The following CD48 variants were observed in gnomAD, a reference collection of about 807,000 sequenced individuals.
CD48 encodes the protein CD48 molecule.
CD48 carries 20 observed loss-of-function variants against 22.0 expected under a neutral mutation model. The observed-to-expected ratio is 0.91, with a 90% CI of 0.64 to 1.32. The LOEUF is 1.32. CD48 is among the 40% of genes most tolerant of loss of function. CD48 has a pLI of 0.00. For synonymous variants in CD48, 110 were observed against 110.1 expected, an observed-to-expected ratio of 1.00 and a Z score of 0.01; for missense variants, 307 against 286.5, an observed-to-expected ratio of 1.07 and a Z score of -0.52.
At chr1:160,689,574 A>G (rs1347144288) in intron 1 of CD48, among the ~76,000 whole-genome samples, 1 of 152,132 alleles carries the variant, frequency 6.6e-6, no homozygotes, top group South Asian at 2.1e-4. Context: ...TAAGGAGAAA[A>G]AGAAAAGTAA....
intron 1 of CD48, among the ~76,000 whole-genome samples, chr1:160,702,967 C>G (rs536025660): frequency 6.6e-6 from 1 of 152,230 alleles, no homozygotes; most frequent in South Asian, 2.1e-4. Flanking sequence ...GGGTATAATT[C>G]AGAGTGACTT....
At chr1:160,711,322 T>A (rs1446972946) in intron 1 of CD48, among the ~76,000 whole-genome samples, 4 of 152,230 alleles carry the variant, frequency 2.6e-5, no homozygotes, top group Non-Finnish European at 4.4e-5. Flanking sequence ...GAGTACAGTG[T>A]GTCTGAGCAT....
chr1:160,708,620 C>A (rs1178545139), intron 1 of CD48, among the ~76,000 whole-genome samples: 1 of 152,108 alleles, frequency 6.6e-6, no homozygotes, highest in Non-Finnish European at 1.5e-5. Context: ...AGAAAAGAAG[C>A]AAGGATGACT....
chr1:160,702,499 G>A (rs986266884), intron 1 of CD48, among the ~76,000 whole-genome samples: 4 of 152,044 alleles, frequency 2.6e-5, no homozygotes, highest in Non-Finnish European at 5.9e-5. Flanking sequence ...TTGTGGTAGG[G>A]GGTTTCCATC....
In CD48 at chr1:160,681,359, C is replaced by T; in HGVS notation, c.495G>A (p.Trp165Ter). ...TTGGGAAGGGCCTTTTGTCCCCATA[C>T]CAGGTGTAGTTTACAGACTCGCCAG... ...VIPGESVNYT[W>*]YGDKRPFPKE... Residue 165 changes from tryptophan (W) to a stop codon, truncating the protein, a stop_gained, in exon 3 of 4, where the codon TGG becomes TGA. Transcript: ENST00000368046. LOFTEE classifies it high-confidence loss of function. The T allele has an allele frequency of 3.7e-6, 6 of 1,614,184 alleles. No homozygotes were observed. The highest frequency in any genetic ancestry group is 5.1e-6 in the Non-Finnish European group (6 of 1,180,034).
chr1:160,688,265 C>G (rs981784783), intron 1 of CD48, among the ~76,000 whole-genome samples: 1 of 152,094 alleles, frequency 6.6e-6, no homozygotes, highest in Non-Finnish European at 1.5e-5. Flanking sequence ...GTGATAACAG[C>G]GATTAAAGTG....
At position 160,681,415 on chromosome 1, in the gene CD48, T is replaced by G; in HGVS notation, c.439A>C (p.Asn147His). The G allele has an allele frequency of 6.2e-7, 1 of 1,614,150 alleles. No homozygotes were observed. Residue 147 changes from asparagine to histidine, a missense_variant, in exon 3 of 4, where the codon AAC becomes CAC. Physicochemically the swap from Asn to His is moderately conservative, Grantham distance 68. Coordinates refer to ENST00000368046, the MANE Select transcript of CD48 (RefSeq NM_001778.4). ...ACACATGACAGTTTCAGATAACAGT[T>G]GTCATCCATGTCTTCTATCTTCTCA... ...KIEKIEDMDD[N>H]CYLKLSCVIP...
intron 1 of CD48, among the ~76,000 whole-genome samples, chr1:160,693,278 T>C (rs1216092760): frequency 6.6e-6 from 1 of 152,268 alleles, no homozygotes; most frequent in Non-Finnish European, 1.5e-5. Context: ...TGCTCAAAAG[T>C]CAATTGCCAG....
chr1:160,700,017 T>G (rs1402538044), intron 1 of CD48, among the ~76,000 whole-genome samples: 1 of 152,158 alleles, frequency 6.6e-6, no homozygotes, highest in African/African-American at 2.4e-5. Context: ...CACCCCTTCA[T>G]GAGACAATAT....
At chr1:160,694,824 G>T (rs1037958445) in intron 1 of CD48, among the ~76,000 whole-genome samples, 3 of 152,152 alleles carry the variant, frequency 2.0e-5, no homozygotes, top group Non-Finnish European at 2.9e-5. Context: ...AACTGGTGTG[G>T]GTAAATCAGT....
chr1:160,682,052 C>G (rs1661826203), intron 2 of CD48, among the ~76,000 whole-genome samples: 1 of 152,214 alleles, frequency 6.6e-6, no homozygotes. Flanking sequence ...ACAGATTGGT[C>G]TGCTAACTTT....
chr1:160,697,977 TA>T (rs1278978111), intron 1 of CD48, among the ~76,000 whole-genome samples: 3 of 152,192 alleles, frequency 2.0e-5, no homozygotes, highest in African/African-American at 4.8e-5. Context: ...CCAAAAATAA[TA>T]AGTCCTGTTT....
chr1:160,704,436 A>T (rs944878333), intron 1 of CD48, among the ~76,000 whole-genome samples: 16 of 152,168 alleles, frequency 1.1e-4, no homozygotes, highest in Admixed American at 9.8e-4. Flanking sequence ...CTTGTGTGTG[A>T]AGTTCCCGCT....
intron 1 of CD48, chr1:160,699,765 G>T (rs1218249585): frequency 3.3e-5 from 5 of 151,684 alleles, no homozygotes; most frequent in Admixed American, 1.3e-4. Context: ...TCACGTGTTT[G>T]TCTGCTCACC....
intron 1 of CD48, among the ~76,000 whole-genome samples, chr1:160,711,437 A>G (rs752238317): frequency 5.9e-5 from 9 of 152,184 alleles, no homozygotes; most frequent in Non-Finnish European, 1.2e-4. Context: ...AAATATGAGG[A>G]GCCTACTTCT....
intron 2 of CD48, among the ~76,000 whole-genome samples, chr1:160,682,441 G>A (rs1350029471): frequency 7.2e-6 from 1 of 138,136 alleles, no homozygotes; most frequent in African/African-American, 2.7e-5. Context: ...TCCAGCTTGG[G>A]TAAGGAGAAG....
chr1:160,683,380 C>T (rs1471990683), intron 2 of CD48: 2 of 152,172 alleles, frequency 1.3e-5, no homozygotes, highest in African/African-American at 4.8e-5. Context: ...TGTGCTGAAG[C>T]CCAAGCCAGT....
At chr1:160,709,529 T>A (rs989360389) in intron 1 of CD48, among the ~76,000 whole-genome samples, 1 of 152,194 alleles carries the variant, frequency 6.6e-6, no homozygotes, top group South Asian at 2.1e-4. Context: ...CAATACTCTG[T>A]CTACTTCATC....
intron 1 of CD48, among the ~76,000 whole-genome samples, chr1:160,687,553 T>C (rs1662046940): frequency 6.6e-6 from 1 of 152,216 alleles, no homozygotes; most frequent in Non-Finnish European, 1.5e-5. Flanking sequence ...GTCCATAAAA[T>C]ATTCACAATC....
Sources: gnomAD v4.1 joint callset for allele counts (sites outside exome capture counted in the v4.1 genomes callset) on GRCh38, gnomAD v4.1.1 for gene constraint, MANE v1.5 for transcripts, NCBI Gene and HGNC (gene_info 2026-07-23, HGNC 2026-07-21) for gene names.